EPHA5: variants seen among roughly 807,000 people sequenced by gnomAD.
EPHA5 encodes ephrin type-A receptor 5.
A neutral mutation model predicts 105.0 loss-of-function variants in EPHA5; 60 were observed. The ratio of observed to expected loss-of-function variants is 0.57; its 90% CI spans 0.46 to 0.71. The LOEUF is 0.71. EPHA5 is among the 30% of genes least tolerant of loss of function. The pLI is 0.00. For synonymous variants in EPHA5, 513 were observed against 449.1 expected (o/e 1.14, Z -1.80); for missense variants, 1,218 against 1,274.7 (o/e 0.96, Z 0.68).
chr4:65,584,111 C>A (rs1373962355), intron 3 of EPHA5, among the ~76,000 whole-genome samples: 1 of 151,538 alleles, frequency 6.6e-6, no homozygotes, highest in Non-Finnish European at 1.5e-5. Flanking sequence ...TCCAGTTTTT[C>A]CATTCATATA....
chr4:65,552,870 T>G (rs934264604), intron 3 of EPHA5, among the ~76,000 whole-genome samples: 1 of 152,164 alleles, frequency 6.6e-6, no homozygotes, highest in African/African-American at 2.4e-5. Flanking sequence ...TTTTTTTTAG[T>G]AAATAAGCAA....
At chr4:65,356,171 GC>G (rs1343808988) in intron 11 of EPHA5, among the ~76,000 whole-genome samples, 1 of 151,282 alleles carries the variant, frequency 6.6e-6, no homozygotes, top group East Asian at 1.9e-4. Context: ...TGTTTTCAGG[GC>G]TTTTCCTGCA....
At chr4:65,438,808 A>G (rs975438903) in intron 5 of EPHA5, among the ~76,000 whole-genome samples, 1 of 152,122 alleles carries the variant, frequency 6.6e-6, no homozygotes, top group South Asian at 2.1e-4. Flanking sequence ...GGAGGAAACC[A>G]TATAAAAGAA....
intron 11 of EPHA5, among the ~76,000 whole-genome samples, chr4:65,354,142 G>A (rs929643703): frequency 2.0e-5 from 3 of 151,694 alleles, no homozygotes; most frequent in East Asian, 1.9e-4. Flanking sequence ...GCGAGTATCT[G>A]CTAAGTCATA....
intron 7 of EPHA5, among the ~76,000 whole-genome samples, chr4:65,412,763 C>T (rs1173272465): frequency 6.6e-6 from 1 of 152,050 alleles, no homozygotes; most frequent in African/African-American, 2.4e-5. Flanking sequence ...TCTAAGTCAT[C>T]TGATTGAGTT....
chr4:65,543,088 A>C (rs899990906), intron 3 of EPHA5, among the ~76,000 whole-genome samples: 1 of 152,036 alleles, frequency 6.6e-6, no homozygotes, highest in African/African-American at 2.4e-5. Flanking sequence ...AATAAGAGCT[A>C]TTTATTGCAA....
intron 1 of EPHA5, among the ~76,000 whole-genome samples, chr4:65,649,283 T>C (rs1748389830): frequency 6.6e-6 from 1 of 152,188 alleles, no homozygotes; most frequent in African/African-American, 2.4e-5. Context: ...AGTCCTCTAC[T>C]TAAGACCTAA....
intron 5 of EPHA5, among the ~76,000 whole-genome samples, chr4:65,451,281 GT>G (rs1306361312): frequency 6.6e-6 from 1 of 152,098 alleles, no homozygotes; most frequent in East Asian, 1.9e-4. Flanking sequence ...CTTACAATAT[GT>G]TTTCAAGTAT....
rs556854839 is a variant in EPHA5 at position 65,336,098 on chromosome 4, G to A, written c.2623C>T (p.Arg875Cys). The change falls in exon 15 of 17, where the codon CGT (arginine) becomes TGT (cysteine). Residue 875 changes from arginine to cysteine, a missense_variant. Arg to Cys is a radical substitution (Grantham distance 180). Around this residue, in one of 3 missense-constraint regions of EPHA5, gnomAD observed 971 missense variants for 1,013.5 expected, o/e 0.96. Transcript: ENST00000613740. ...GGACAATCCATGGGGCTTGGCAGAC[G>A]ATAGCCTTCCTCTACCGCTTTAATC... The part of the protein sequence containing the change: ...DVIKAVEEGY[R>C]LPSPMDCPAA... 3.1e-6 allele frequency: 5 copies of A among 1,611,182 alleles called. No individual in the cohort carries two copies. Among genetic ancestry groups the A allele is most frequent in the Admixed American group, 1.7e-5 (1 of 59,646 alleles).
intron 3 of EPHA5, among the ~76,000 whole-genome samples, chr4:65,529,114 A>G (rs958140676): frequency 6.6e-6 from 1 of 152,198 alleles, no homozygotes; most frequent in African/African-American, 2.4e-5. Flanking sequence ...TTCTTTTAAA[A>G]CAACTATAGT....
At chr4:65,485,259 ATT>A (rs1254037071) in intron 5 of EPHA5, among the ~76,000 whole-genome samples, 3 of 151,700 alleles carry the variant, frequency 2.0e-5, no homozygotes, top group African/African-American at 7.3e-5. Flanking sequence ...TTGACATTTT[ATT>A]TTCTTATCAT....
intron 14 of EPHA5, among the ~76,000 whole-genome samples, chr4:65,344,966 C>T (rs966588823): frequency 6.6e-6 from 1 of 152,028 alleles, no homozygotes; most frequent in South Asian, 2.1e-4. Flanking sequence ...TTTGGAGAAC[C>T]AGATTGAAAT....
rs940135846 is a variant in EPHA5 at position 65,480,205 on chromosome 4, A to C, written c.1402+10172T>G. Among the ~76,000 whole-genome samples, 4 of 152,344 alleles carry C rather than the reference A, an allele frequency of 2.6e-5. No individual in the cohort carries two copies. In the East Asian group the frequency reaches 7.7e-4, roughly 29 times the overall value. ...AATTGTAAAACCAGATTTTCTCTAA[A>C]TATTTCAGATGACTCATTTAATAAA... is the stretch of plus-strand genomic sequence containing the variant. On this transcript the variant is annotated intron_variant, in intron 5 of 16. Transcript: ENST00000613740.
chr4:65,543,127 C>A (rs547975383), intron 3 of EPHA5, among the ~76,000 whole-genome samples: 4 of 152,086 alleles, frequency 2.6e-5, no homozygotes, highest in Admixed American at 2.6e-4. Context: ...ACTGAATAGG[C>A]AAAAGCTGGA....
chr4:65,528,836 T>C (rs751507972), intron 3 of EPHA5, among the ~76,000 whole-genome samples: 1 of 152,144 alleles, frequency 6.6e-6, no homozygotes, highest in Non-Finnish European at 1.5e-5. Flanking sequence ...AAGACCATTC[T>C]GGCATTAATG....
At chr4:65,597,720 G>A (rs1345946534) in intron 3 of EPHA5, among the ~76,000 whole-genome samples, 1 of 152,134 alleles carries the variant, frequency 6.6e-6, no homozygotes. Context: ...TGAGTATTTT[G>A]TTACCTCGTC....
chr4:65,452,093 A>C (rs1727122364), intron 5 of EPHA5, among the ~76,000 whole-genome samples: 1 of 152,194 alleles, frequency 6.6e-6, no homozygotes, highest in Admixed American at 6.5e-5. Flanking sequence ...GATCAGCAAT[A>C]GAGAATAAAT....
chr4:65,452,528 A>G (rs991304252), intron 5 of EPHA5, among the ~76,000 whole-genome samples: 3 of 151,796 alleles, frequency 2.0e-5, no homozygotes, highest in African/African-American at 7.3e-5. Flanking sequence ...TGTGATGGAG[A>G]CTGATTATTG....
At chr4:65,653,702 T>C (rs1748809551) in intron 1 of EPHA5, among the ~76,000 whole-genome samples, 1 of 152,062 alleles carries the variant, frequency 6.6e-6, no homozygotes, top group Non-Finnish European at 1.5e-5. Context: ...TGGCTATTTG[T>C]CCTTTCTCAA....
Sources: gnomAD v4.1 joint callset for allele counts (sites outside exome capture counted in the v4.1 genomes callset) on GRCh38, gnomAD v4.1.1 for gene constraint, gnomAD v4.1.1 regional missense constraint, MANE v1.5 for transcripts, NCBI Gene and HGNC (gene_info 2026-07-23, HGNC 2026-07-21) for gene names.